JAKMIP3: variants seen among roughly 807,000 people sequenced by gnomAD.
JAKMIP3 encodes the protein janus kinase and microtubule-interacting protein 3.
A neutral mutation model predicts 118.5 loss-of-function variants in JAKMIP3; 58 were observed. The ratio of observed to expected loss-of-function variants is 0.49; its 90% CI spans 0.40 to 0.61. The LOEUF is 0.61. Ranked by LOEUF, JAKMIP3 falls within the 20% of genes least tolerant of loss-of-function variation. The pLI is 0.00. For missense variants in JAKMIP3, 950 were observed against 1,109.0 expected, an observed-to-expected ratio of 0.86 and a Z score of 2.04; for synonymous variants, 486 against 451.2, an observed-to-expected ratio of 1.08 and a Z score of -0.98.
At chr10:132,068,578 T>C (rs1459339952) in intron 1 of JAKMIP3, among the ~76,000 whole-genome samples, 5 of 152,200 alleles carry the variant, frequency 3.3e-5, no homozygotes, top group Non-Finnish European at 7.3e-5. Flanking sequence ...CTTTGAGCGA[T>C]GTGAGGTAGA....
intron 1 of JAKMIP3, among the ~76,000 whole-genome samples, chr10:132,067,167 G>A (rs79874738): frequency 4.0e-5 from 6 of 151,878 alleles, no homozygotes; most frequent in South Asian, 2.1e-4. Flanking sequence ...AAAGGCTGGC[G>A]TTTGGATGAG....
rs201405116 is a variant in JAKMIP3 at position 132,163,382 on chromosome 10, G to A, written c.2394G>A (p.Glu798=). 6.2e-5 allele frequency: 99 copies of A among 1,605,308 alleles called. No homozygotes were observed. Among genetic ancestry groups the A allele is most frequent in the Non-Finnish European group, 7.7e-5 (91 of 1,179,102 alleles). ...AGCGGGACGCCCAGATCCTGCGGGA[G>A]CGCATGGAGCTGCTGCAGCTGGCTC... The part of the protein sequence containing the change: ...LRERDAQILR[E]RMELLQLAQQ... The change falls in exon 20 of 24, where the codon GAG becomes GAA. Residue 798 remains glutamate, a synonymous_variant. Transcript: ENST00000684848.
intron 23 of JAKMIP3, among the ~76,000 whole-genome samples, chr10:132,177,853 G>T: frequency 6.7e-6 from 1 of 149,272 alleles, no homozygotes; most frequent in Admixed American, 6.7e-5. Context: ...CCTGGGTAGT[G>T]TGCGTGTGTG....
intron 9 of JAKMIP3, among the ~76,000 whole-genome samples, chr10:132,139,049 AGTGTGTGT>A (rs4009682): frequency 2.7e-5 from 4 of 150,192 alleles, no homozygotes; most frequent in East Asian, 2.0e-4. Flanking sequence ...CTTTATGTTG[AGTGTGTGT>A]GTGTGTGTGT....
rs1211080980 is a variant in JAKMIP3 at position 132,180,638 on chromosome 10, CGTGTGT to C, written c.*1104-1717_*1104-1712del. Among the ~76,000 whole-genome samples the C allele has an allele frequency of 1.6e-3, 15 of 9,378 alleles. 4 individuals carry two copies. Among genetic ancestry groups the C allele is most frequent in the Non-Finnish European group, 1.7e-3 (9 of 5,308 alleles). 6.2% of individuals were successfully genotyped at this position (9,378 alleles called of 152,430 possible). On this transcript the variant is annotated intron_variant, in intron 23 of 23. Coordinates refer to ENST00000684848, the MANE Select transcript of JAKMIP3 (RefSeq NM_001323087.2). Reference sequence around the variant, plus strand: ...GTGCGTGTGTGTGCGTGTGTGCGTGCGTGTGTGCGTGTGCGTGTGCGTGTGTGCGTG... The same window carrying C: ...GTGCGTGTGTGTGCGTGTGTGCGTGCGCGTGTGCGTGTGCGTGTGTGCGTG...
intron 14 of JAKMIP3, among the ~76,000 whole-genome samples, chr10:132,148,395 A>T (rs2136096588): frequency 6.6e-6 from 1 of 152,292 alleles, no homozygotes; most frequent in African/African-American, 2.4e-5. Flanking sequence ...ACGACGGGTG[A>T]CAGTGCAGCA....
At chr10:132,150,805 C>T (rs2056009359) in intron 16 of JAKMIP3, among the ~76,000 whole-genome samples, 1 of 147,724 alleles carries the variant, frequency 6.8e-6, no homozygotes, top group Non-Finnish European at 1.5e-5. Context: ...TATCCATCCT[C>T]CATAATCCAT....
intron 23 of JAKMIP3, among the ~76,000 whole-genome samples, chr10:132,176,329 C>A (rs1159351477): frequency 1.3e-5 from 2 of 152,224 alleles, no homozygotes; most frequent in Non-Finnish European, 2.9e-5. Context: ...CTGCTGGCAG[C>A]TCCTGCCTGG....
chr10:132,174,212 CCTG>C lies in JAKMIP3; in HGVS notation c.*1103+5184_*1103+5186del, dbSNP rs539871289. Among the ~76,000 whole-genome samples, 296 of 148,038 alleles carry C rather than the reference CCTG, an allele frequency of 2.0e-3. 1 individual carries two copies. Among genetic ancestry groups the C allele is most frequent in the African/African-American group, 6.9e-3 (276 of 40,260 alleles). On this transcript the variant is annotated intron_variant, in intron 23 of 23. Coordinates refer to ENST00000684848, the MANE Select transcript of JAKMIP3 (RefSeq NM_001323087.2). ...AGACCGTCCCATCCCCAAGCTGCCTCCTGCTGCCTGTGCAGTGGCCCCTTCCTG... is the reference window on the plus strand; with the variant it reads ...AGACCGTCCCATCCCCAAGCTGCCTCCTGCCTGTGCAGTGGCCCCTTCCTG...
chr10:132,159,715 GCTGGGGGCATGTCTTCCTGTGTGATA>G (rs2057740871), intron 19 of JAKMIP3, among the ~76,000 whole-genome samples: 1 of 108,462 alleles, frequency 9.2e-6, no homozygotes, highest in Admixed American at 1.1e-4. Context: ...CCTGTGTGAT[GCTGGGGGCATGTCTTCCTGTGTGATA>G]CTGGGGGGGC....
chr10:132,166,978 T>G lies in JAKMIP3; in HGVS notation c.2491-5T>G. ...CGTTTCTCCATCCTCCCCTTTCCGT[T>G]TCAGTTTCTATTTTTGTTCTTATTT... On this transcript the variant is annotated splice_region_variant and splice_polypyrimidine_tract_variant and intron_variant, in intron 21 of 23. Coordinates refer to ENST00000684848, the MANE Select transcript of JAKMIP3 (RefSeq NM_001323087.2). 1 of 1,536,930 alleles carries G rather than the reference T, an allele frequency of 6.5e-7. No individual in the cohort carries two copies. Among genetic ancestry groups the G allele is most frequent in the Non-Finnish European group, 8.8e-7 (1 of 1,133,814 alleles).
intron 1 of JAKMIP3, among the ~76,000 whole-genome samples, chr10:132,058,352 C>T (rs1007765131): frequency 1.3e-5 from 2 of 152,206 alleles, no homozygotes; most frequent in African/African-American, 4.8e-5. Flanking sequence ...AAATCAGCTC[C>T]GTAGACCAGG....
chr10:132,131,038 C>A (rs896937143), intron 3 of JAKMIP3, among the ~76,000 whole-genome samples: 2 of 151,982 alleles, frequency 1.3e-5, no homozygotes, highest in South Asian at 4.1e-4. Flanking sequence ...CTTCTCTCCT[C>A]CAGCCTCAGC....
At chr10:132,172,643 G>A (rs143889137) in intron 23 of JAKMIP3, among the ~76,000 whole-genome samples, 29 of 152,040 alleles carry the variant, frequency 1.9e-4, no homozygotes, top group Middle Eastern at 3.4e-3. Flanking sequence ...GGCCCAGCCA[G>A]GCTGTTAATG....
At chr10:132,158,081 G>GCCCCA (rs1199481239) in intron 19 of JAKMIP3, among the ~76,000 whole-genome samples, 2 of 32,864 alleles carry the variant, frequency 6.1e-5, no homozygotes, top group African/African-American at 1.1e-4. Flanking sequence ...CCGCCCCCCC[G>GCCCCA]CCCCGCCCCG....
Position 132,117,373 on chromosome 10 carries a change from G to GA in JAKMIP3, c.434dup (p.Phe147ValfsTer72). 6.2e-7 allele frequency: 1 copy of GA among 1,614,020 alleles called. No homozygotes were observed. The highest frequency in any genetic ancestry group is 8.5e-7 in the Non-Finnish European group (1 of 1,179,894). Reference sequence around the variant, plus strand: ...TGTCCGAGGCCAAGGAGGAGGCCAAGAAGGGGTTCGAGGTGGAGAAGGTCA... The same window carrying GA: ...TGTCCGAGGCCAAGGAGGAGGCCAAGAAAGGGGTTCGAGGTGGAGAAGGTCA... On this transcript the variant is annotated frameshift_variant, in exon 3 of 24. Coordinates refer to ENST00000684848, the MANE Select transcript of JAKMIP3 (RefSeq NM_001323087.2). This position sits in a 1 kb window ranked among gnomAD's most constrained non-coding sequence, Gnocchi z 8.6.
rs974613761 is a variant in JAKMIP3 at position 132,044,993 on chromosome 10, C to T, written c.-138+8255C>T. Among the ~76,000 whole-genome samples, 2 of 152,104 alleles carry T rather than the reference C, an allele frequency of 1.3e-5. No homozygotes were observed. The highest frequency in any genetic ancestry group is 2.9e-5 in the Non-Finnish European group (2 of 68,022). ...GTGCGTTTTGCTGACTCATCATCCG[C>T]GGGTGGACACTGGGGGGCTCCATGT... On this transcript the variant is annotated intron_variant, in intron 1 of 23. Coordinates refer to the JAKMIP3 transcript ENST00000657785. The surrounding 1 kb of genome is among the most constrained non-coding windows in gnomAD (Gnocchi z 5.3).
intron 1 of JAKMIP3, among the ~76,000 whole-genome samples, chr10:132,079,191 G>C (rs1305314358): frequency 6.9e-6 from 1 of 144,116 alleles, no homozygotes; most frequent in Non-Finnish European, 1.5e-5. Context: ...GTGGACCCCG[G>C]TAGCCTCGCT....
chr10:132,126,302 C>CT (rs780754000), intron 3 of JAKMIP3, among the ~76,000 whole-genome samples: 3,466 of 139,936 alleles, frequency 0.025, 117 homozygotes, highest in African/African-American at 0.073. Context: ...TTTGGCAATA[C>CT]TTTTTTTTTT....
Sources: allele counts gnomAD v4.1 joint callset (sites outside exome capture counted in the v4.1 genomes callset), GRCh38; gene constraint gnomAD v4.1.1; non-coding constraint Gnocchi (gnomAD v3.1); transcripts MANE v1.5; gene names NCBI Gene and HGNC (gene_info 2026-07-23, HGNC 2026-07-21).